MCC: variants seen among roughly 807,000 people sequenced by gnomAD.
MCC encodes the protein MCC regulator of Wnt signaling pathway.
Under a neutral mutation model 116.2 loss-of-function variants are expected in MCC, and 90 were observed. The ratio of observed to expected loss-of-function variants is 0.77; its 90% confidence interval spans 0.65 to 0.92. The LOEUF (loss-of-function observed/expected upper bound fraction) is 0.92. Ranked by LOEUF, MCC falls within the 40% of genes least tolerant of loss-of-function variation. MCC has a pLI of 0.00. For missense variants in MCC, 1,516 were observed against 1,312.2 expected, an observed-to-expected ratio of 1.16 and a Z score of -2.40; for synonymous variants, 578 against 510.5, an observed-to-expected ratio of 1.13 and a Z score of -1.78.
chr5:113,345,173 G>C (rs192489812), intron 2 of MCC, among the ~76,000 whole-genome samples: 30 of 152,298 alleles, frequency 2.0e-4, no homozygotes, highest in African/African-American at 7.0e-4. Context: ...AGGCTCCTCT[G>C]CCTATGGAAA....
chr5:113,457,909 C>A (rs112859187), intron 1 of MCC, among the ~76,000 whole-genome samples: 1 of 148,706 alleles, frequency 6.7e-6, no homozygotes, highest in African/African-American at 2.5e-5. Context: ...ATGCACCAAT[C>A]GACACTCTGT....
intron 10 of MCC, 85 bp from the exon 11 acceptor site, chr5:113,083,093 T>A (rs1165708021): frequency 4.5e-6 from 6 of 1,346,084 alleles, no homozygotes; most frequent in Non-Finnish European, 6.1e-6. Context: ...AAAGCTGATA[T>A]TCCGTGAGAA....
chr5:113,401,767 A>ATT (rs201351012), intron 1 of MCC, among the ~76,000 whole-genome samples: 1 of 120,138 alleles, frequency 8.3e-6, no homozygotes, highest in Non-Finnish European at 1.8e-5. Context: ...AGGTTTTCTT[A>ATT]TTTATATATA....
chr5:113,409,649 C>T (rs1158063167), intron 1 of MCC, among the ~76,000 whole-genome samples: 2 of 152,038 alleles, frequency 1.3e-5, no homozygotes, highest in Non-Finnish European at 2.9e-5. Flanking sequence ...AGTGTGCCTG[C>T]CTTAAATATT....
At chr5:113,215,044 AC>A (rs1763259732) in intron 3 of MCC, among the ~76,000 whole-genome samples, 1 of 142,810 alleles carries the variant, frequency 7.0e-6, no homozygotes, top group South Asian at 2.1e-4. Context: ...CTTACCTGGA[AC>A]ACAATCCTCA....
chr5:113,331,034 G>A (rs149306160), intron 3 of MCC, among the ~76,000 whole-genome samples: 8 of 152,318 alleles, frequency 5.3e-5, no homozygotes, highest in East Asian at 1.9e-4. Flanking sequence ...TGTGGCATAC[G>A]CACTAGCTAA....
At chr5:113,336,179 C>T (rs1026938909) in intron 3 of MCC, among the ~76,000 whole-genome samples, 1 of 151,520 alleles carries the variant, frequency 6.6e-6, no homozygotes, top group Admixed American at 6.6e-5. Flanking sequence ...AGGGTGGAGC[C>T]ATCATGGCCT....
At chr5:113,176,346 C>G (rs763217781) in intron 3 of MCC, among the ~76,000 whole-genome samples, 2 of 152,230 alleles carry the variant, frequency 1.3e-5, no homozygotes, top group African/African-American at 4.8e-5. Context: ...ACCCTGAGTA[C>G]AACAGCTAGT....
intron 3 of MCC, among the ~76,000 whole-genome samples, chr5:113,296,492 G>A (rs1766714987): frequency 6.6e-6 from 1 of 152,190 alleles, no homozygotes; most frequent in African/African-American, 2.4e-5. Flanking sequence ...GACCTGTGAA[G>A]AATGGCTGAG....
At chr5:113,239,477 C>T (rs1387010001) in intron 3 of MCC, among the ~76,000 whole-genome samples, 1 of 152,102 alleles carries the variant, frequency 6.6e-6, no homozygotes, top group East Asian at 1.9e-4. Context: ...GTAAGTGGAG[C>T]AGACCTTGTC....
chr5:113,441,644 C>A (rs1450475127), intron 1 of MCC, among the ~76,000 whole-genome samples: 1 of 152,094 alleles, frequency 6.6e-6, no homozygotes, highest in Non-Finnish European at 1.5e-5. Flanking sequence ...TAATACTATC[C>A]CCTCCTCTAA....
At chr5:113,415,088 A>G (rs1344491226) in intron 1 of MCC, among the ~76,000 whole-genome samples, 3 of 152,202 alleles carry the variant, frequency 2.0e-5, no homozygotes, top group African/African-American at 7.2e-5. Context: ...AATGTTGAAT[A>G]TTGGCCCCCA....
chr5:113,279,084 T>C (rs920572105), intron 3 of MCC, among the ~76,000 whole-genome samples: 13 of 152,332 alleles, frequency 8.5e-5, no homozygotes, highest in Middle Eastern at 3.4e-3. Flanking sequence ...AGATGTGCAA[T>C]GAAAAGGTTA....
At chr5:113,152,523 A>C (rs1336743510) in intron 3 of MCC, among the ~76,000 whole-genome samples, 3 of 152,216 alleles carry the variant, frequency 2.0e-5, no homozygotes, top group Non-Finnish European at 4.4e-5. Context: ...TTCAAGTAAG[A>C]AGTGAGCAAA....
intron 3 of MCC, among the ~76,000 whole-genome samples, chr5:113,236,611 T>G (rs1270563919): frequency 6.6e-6 from 1 of 152,240 alleles, no homozygotes; most frequent in East Asian, 1.9e-4. Context: ...TATAATTGAG[T>G]GCCATTATAA....
chr5:113,170,568 C>T (rs146930735), intron 3 of MCC, among the ~76,000 whole-genome samples: 3 of 151,922 alleles, frequency 2.0e-5, no homozygotes, highest in Admixed American at 1.3e-4. Context: ...CTAGGGATAC[C>T]GGGGTCTCGG....
chr5:113,265,703 C>T (rs945818925), intron 3 of MCC, among the ~76,000 whole-genome samples: 5 of 152,066 alleles, frequency 3.3e-5, no homozygotes, highest in Admixed American at 6.5e-5. Flanking sequence ...TTTTTCCCTT[C>T]TCCACGCACC....
chr5:113,115,454 T>G (rs1757341880), intron 6 of MCC, among the ~76,000 whole-genome samples: 1 of 152,242 alleles, frequency 6.6e-6, no homozygotes, highest in African/African-American at 2.4e-5. Flanking sequence ...CTGTTGTCAC[T>G]TTAGATTTCT....
chr5:113,261,728 A>G (rs1411379890), intron 3 of MCC, among the ~76,000 whole-genome samples: 1 of 152,252 alleles, frequency 6.6e-6, no homozygotes. Flanking sequence ...ACATGGAAGA[A>G]ATGAAACCCA....
Sources: allele counts gnomAD v4.1 joint callset (sites outside exome capture counted in the v4.1 genomes callset), GRCh38; gene constraint gnomAD v4.1.1; transcripts MANE v1.5; gene names NCBI Gene and HGNC (gene_info 2026-07-23, HGNC 2026-07-21).